Variants in MKRN2OS observed in about 807,000 individuals in gnomAD.
The protein encoded by MKRN2OS is MKRN2 opposite strand protein.
In MKRN2OS, 17 loss-of-function variants were observed where a neutral mutation model predicts 18.2. The ratio of observed to expected loss-of-function variants is 0.93; its 90% CI spans 0.64 to 1.40. The LOEUF is 1.40. Ranked by LOEUF, MKRN2OS falls within the 40% of genes most tolerant of loss-of-function variation. MKRN2OS has a pLI of 0.00. For missense variants in MKRN2OS, 337 were observed against 283.0 expected (o/e 1.19, Z -1.37); for synonymous variants, 121 against 108.5 (o/e 1.12, Z -0.72).
chr3:12,540,429 C>T lies in MKRN2OS; in HGVS notation c.436G>A (p.Glu146Lys). Reference protein sequence around the residue: ...TSGAWLPHRYEDNHHNCYSYA... With the variant: ...TSGAWLPHRYKDNHHNCYSYA... ...GAGTAGCAGTTATGGTGGTTGTCTT[C>T]ATACCTTATGGAGGAGAATAAGGGT... Residue 146 changes from glutamate (E) to lysine (K), a missense_variant, in exon 4 of 4, where the codon GAA (glutamate) becomes AAA (lysine). By Grantham distance (56) the Glu-to-Lys change is moderately conservative (BLOSUM62 1). Coordinates refer to ENST00000564146, the MANE Select transcript of MKRN2OS (RefSeq NM_001195279.2). 2 of 1,536,116 alleles carry T rather than the reference C, an allele frequency of 1.3e-6. No homozygotes were observed. The highest frequency in any genetic ancestry group is 1.7e-6 in the Non-Finnish European group (2 of 1,146,910).
chr3:12,540,520 G>C, intron 3 of MKRN2OS, 87 bp from the exon 4 acceptor site: 7 of 1,491,038 alleles, frequency 4.7e-6, no homozygotes, highest in Non-Finnish European at 6.3e-6. Context: ...AACTGAAATC[G>C]GGTGCCTCAG....
chr3:12,543,051 A>G, intron 2 of MKRN2OS, 129 bp downstream of exon 2: 4 of 646,412 alleles, frequency 6.2e-6, no homozygotes, highest in Non-Finnish European at 1.0e-5. Context: ...TGCCTACCTC[A>G]TGGTGCAGTA....
rs1019712733 is a variant in MKRN2OS at position 12,540,197 on chromosome 3, C to T, written c.668G>A (p.Cys223Tyr). 6.5e-6 allele frequency: 10 copies of T among 1,536,154 alleles called. No homozygotes were observed. The South Asian group carries it at 8.3e-5, about 13-fold the overall frequency. The change falls in exon 4 of 4, where the codon TGC (cysteine) becomes TAC (tyrosine). Residue 223 changes from cysteine to tyrosine, a missense_variant. Physicochemically the swap from Cys to Tyr is radical, Grantham distance 194 (BLOSUM62 -2). Coordinates refer to ENST00000564146, the MANE Select transcript of MKRN2OS (RefSeq NM_001195279.2). ...CAGGCTGCGCTTACATAGCTCTCAG[C>T]ACAAACCGCCGCCCTCAGGGGGTTG... ...QAQPPEGGGLC is the reference protein window; with the variant it reads ...QAQPPEGGGLY
intron 1 of MKRN2OS, chr3:12,557,292 C>T: frequency 7.5e-7 from 1 of 1,325,348 alleles, no homozygotes; most frequent in Non-Finnish European, 1.0e-6. Context: ...GAAAGTTACT[C>T]GGCTGTTCGC....
intron 1 of MKRN2OS, among the ~76,000 whole-genome samples, chr3:12,555,754 C>A (rs2057963743): frequency 6.6e-6 from 1 of 152,198 alleles, no homozygotes; most frequent in Admixed American, 6.5e-5. Context: ...ATCCAGCCCC[C>A]ACCCACCCCC....
At position 12,540,324 on chromosome 3, in the gene MKRN2OS, A is replaced by G; in HGVS notation, c.541T>C (p.Tyr181His). ...QLDKGEFTEK[Y>H]VVPRTRLASK... ...GCCAGCCTTGTCCGCGGGACCACGTACTTCTCCGTAAATTCACCCTTGTCC... is the reference window on the plus strand; with the variant it reads ...GCCAGCCTTGTCCGCGGGACCACGTGCTTCTCCGTAAATTCACCCTTGTCC... The change falls in exon 4 of 4, where the codon TAC (tyrosine) becomes CAC (histidine). Residue 181 changes from tyrosine to histidine, a missense_variant. Coordinates refer to ENST00000564146, the MANE Select transcript of MKRN2OS (RefSeq NM_001195279.2). 6.5e-7 allele frequency: 1 copy of G among 1,536,060 alleles called. No individual in the cohort carries two copies. Among genetic ancestry groups the G allele is most frequent in the Non-Finnish European group, 8.7e-7 (1 of 1,146,910 alleles).
At chr3:12,556,245 A>C (rs1449870205) in intron 1 of MKRN2OS, among the ~76,000 whole-genome samples, 2 of 151,892 alleles carry the variant, frequency 1.3e-5, no homozygotes, top group African/African-American at 4.8e-5. Context: ...GCTACGTGGA[A>C]GGCTGAGAGG....
chr3:12,551,366 G>A (rs1414353477), downstream of MKRN2OS, among the ~76,000 whole-genome samples: 2 of 151,618 alleles, frequency 1.3e-5, no homozygotes, highest in South Asian at 2.1e-4. Flanking sequence ...GTGATGGTAC[G>A]CACCTGTGGT....
intron 3 of MKRN2OS, 103 bp from the exon 4 acceptor site, chr3:12,540,536 A>G (rs2057783180): frequency 6.6e-6 from 9 of 1,369,756 alleles, no homozygotes; most frequent in African/African-American, 1.4e-5. Context: ...CTCAGCAAGC[A>G]AGGCCCCTGC....
downstream of MKRN2OS, among the ~76,000 whole-genome samples, chr3:12,551,303 G>A (rs1163441124): frequency 6.6e-6 from 1 of 151,878 alleles, no homozygotes. Context: ...AGACCAGCCT[G>A]GCCAAAATGG....
intron 1 of MKRN2OS, among the ~76,000 whole-genome samples, chr3:12,559,488 G>A (rs183669716): frequency 2.6e-5 from 4 of 152,090 alleles, no homozygotes; most frequent in Admixed American, 1.3e-4. Flanking sequence ...TTGTTTTCCT[G>A]ACTGTGGGAT....
chr3:12,543,168 A>G lies in MKRN2OS; in HGVS notation c.268+12T>C. ...GTAGTAGGGGTTTTTTAAGCTACAA[A>G]ACTGCACTTACCATTTGTGTTAGTT... On this transcript the variant is annotated intron_variant, in intron 2 of 3. Transcript: ENST00000564146. The G allele has an allele frequency of 2.6e-6, 4 of 1,534,896 alleles. No individual in the cohort carries two copies. Among genetic ancestry groups the G allele is most frequent in the South Asian group, 1.2e-5 (1 of 83,886 alleles).
At position 12,540,400 on chromosome 3, in the gene MKRN2OS, G is replaced by A. The variant is rs775490633; in HGVS notation, c.465C>T (p.Tyr155=). The A allele has an allele frequency of 3.5e-4, 536 of 1,536,016 alleles. 1 individual carries two copies. Among genetic ancestry groups the A allele is most frequent in the Non-Finnish European group, 4.4e-4 (500 of 1,146,918 alleles). ...GAACGCAGTTAATGAACGTGAGTGCGTAAGAGTAGCAGTTATGGTGGTTGT... is the reference window on the plus strand; with the variant it reads ...GAACGCAGTTAATGAACGTGAGTGCATAAGAGTAGCAGTTATGGTGGTTGT... ...YEDNHHNCYS[Y]ALTFINCVLM... is the part of the protein sequence containing the mutation. Residue 155 remains tyrosine, a synonymous_variant, in exon 4 of 4, where the codon TAC becomes TAT. Transcript: ENST00000564146.
In MKRN2OS at chr3:12,545,461, G is replaced by A. The variant is rs1192630087; in HGVS notation, c.4C>T (p.His2Tyr). Residue 2 changes from histidine to tyrosine, a missense_variant, in exon 1 of 4, where the codon CAC becomes TAC. Transcript: ENST00000564146. The part of the protein sequence containing the change: M[H>Y]CAEAGKALIK... ...AAAGCCTTCCCAGCCTCTGCGCAGT[G>A]CATAGCTTTCGCCTCCTGGAATGCT... 15 of 1,516,356 alleles carry A rather than the reference G, an allele frequency of 9.9e-6. No homozygotes were observed. Among genetic ancestry groups the A allele is most frequent in the Admixed American group, 4.1e-5 (2 of 48,428 alleles). The allele number at this position is 1,516,356 out of a possible 1,614,324, so 93.9% of individuals were successfully genotyped here. A position where few individuals can be genotyped will look rare whatever the true frequency, so the allele number is the denominator to read the frequency against.
rs993096267 is a variant in MKRN2OS, at chr3:12,543,118, A to G, written c.268+62T>C. The G allele has an allele frequency of 1.2e-5, 16 of 1,379,904 alleles. No homozygotes were observed. The African/African-American group carries it at 2.0e-4, about 17-fold the overall frequency. The allele number at this position is 1,379,904 out of a possible 1,614,324, so 85.5% of individuals were successfully genotyped here. Reference sequence around the variant, plus strand: ...TAGATGTTGCCATAATCAAATCTCCACAAATACTGCTTTCCTTTTGCTGGG... The same window carrying G: ...TAGATGTTGCCATAATCAAATCTCCGCAAATACTGCTTTCCTTTTGCTGGG... On this transcript the variant is annotated intron_variant, in intron 2 of 3. Coordinates refer to ENST00000564146, the MANE Select transcript of MKRN2OS (RefSeq NM_001195279.2).
chr3:12,552,414 A>ATT (rs367692238), downstream of MKRN2OS, among the ~76,000 whole-genome samples: 529 of 142,296 alleles, frequency 3.7e-3, 3 homozygotes, highest in Middle Eastern at 0.011. Context: ...TTAATTTTTA[A>ATT]TTTTTTTTTT....
chr3:12,543,556 C>T (rs1453120373), intron 1 of MKRN2OS, among the ~76,000 whole-genome samples: 1 of 151,894 alleles, frequency 6.6e-6, no homozygotes, highest in African/African-American at 2.4e-5. Flanking sequence ...CACTGCACTC[C>T]ACCCTGGGGG....
At chr3:12,560,051 C>T (rs2058023462) in intron 1 of MKRN2OS, among the ~76,000 whole-genome samples, 1 of 152,148 alleles carries the variant, frequency 6.6e-6, no homozygotes, top group African/African-American at 2.4e-5. Context: ...ACCACCTGTG[C>T]AACAACTGCC....
intron 1 of MKRN2OS, among the ~76,000 whole-genome samples, chr3:12,558,470 G>A (rs943980213): frequency 6.6e-6 from 1 of 152,082 alleles, no homozygotes; most frequent in African/African-American, 2.4e-5. Flanking sequence ...TCCTCCCCTC[G>A]CTCTATGGTT....
Sources: allele counts gnomAD v4.1 joint callset (sites outside exome capture counted in the v4.1 genomes callset), GRCh38; gene constraint gnomAD v4.1.1; transcripts MANE v1.5; gene names NCBI Gene and HGNC (gene_info 2026-07-23, HGNC 2026-07-21).